Variants in DLG5 observed in about 807,000 individuals in gnomAD.
DLG5 encodes discs large MAGUK scaffold protein 5, also known as disks large homolog 5.
Under a neutral mutation model 189.8 loss-of-function variants are expected in DLG5, and 48 were observed. The observed-to-expected ratio is 0.25, with a 90% CI of 0.20 to 0.32. The LOEUF is 0.32. Ranked by LOEUF, DLG5 falls within the 10% of genes least tolerant of loss-of-function variation. DLG5 has a pLI of 1.00. For synonymous variants in DLG5, 1,016 were observed against 1,054.1 expected (o/e 0.96, Z 0.70); for missense variants, 2,160 against 2,544.7 (o/e 0.85, Z 3.25).
intron 5 of DLG5, among the ~76,000 whole-genome samples, chr10:77,848,856 T>A (rs1248680): frequency 6.6e-6 from 1 of 151,958 alleles, no homozygotes; most frequent in South Asian, 2.1e-4. Context: ...TGGATCTGAG[T>A]AGGTGGGTGG....
chr10:77,876,053 G>A (rs918918513), intron 1 of DLG5, among the ~76,000 whole-genome samples: 4 of 151,982 alleles, frequency 2.6e-5, no homozygotes, highest in African/African-American at 7.2e-5. Context: ...TATGCCACCC[G>A]AGGGTGGGAA....
At chr10:77,922,090 C>T (rs1846551121) in intron 1 of DLG5, among the ~76,000 whole-genome samples, 1 of 152,112 alleles carries the variant, frequency 6.6e-6, no homozygotes, top group Non-Finnish European at 1.5e-5. Context: ...CTCTCATGAG[C>T]GTCCCATTCC....
At chr10:77,838,504 G>A (rs1019363994) in intron 7 of DLG5, among the ~76,000 whole-genome samples, 1 of 152,172 alleles carries the variant, frequency 6.6e-6, no homozygotes, top group African/African-American at 2.4e-5. Context: ...AGCCAACCTG[G>A]CAAAGATCCT....
chr10:77,814,482 T>C (rs1390142427), intron 20 of DLG5, among the ~76,000 whole-genome samples: 1 of 106,686 alleles, frequency 9.4e-6, no homozygotes, highest in African/African-American at 7.0e-5. Flanking sequence ...TATATATATA[T>C]ATATATATAT....
chr10:77,912,923 T>G (rs1235641150), intron 1 of DLG5, among the ~76,000 whole-genome samples: 1 of 151,880 alleles, frequency 6.6e-6, no homozygotes, highest in African/African-American at 2.4e-5. Flanking sequence ...CTGTGAACTG[T>G]GGAGAACCCC....
At chr10:77,793,105 G>C (rs1387290645) in intron 31 of DLG5, 2 of 152,500 alleles carry the variant, frequency 1.3e-5, no homozygotes, top group African/African-American at 4.8e-5. Flanking sequence ...AAACTGCTAT[G>C]GAAACAGGAC....
chr10:77,858,946 C>T (rs1844363823), intron 2 of DLG5, among the ~76,000 whole-genome samples: 1 of 152,144 alleles, frequency 6.6e-6, no homozygotes, highest in Admixed American at 6.5e-5. Context: ...AGTCTCAGCT[C>T]ACTATAACCT....
intron 27 of DLG5, among the ~76,000 whole-genome samples, chr10:77,797,888 T>G (rs1841003853): frequency 6.6e-6 from 1 of 152,124 alleles, no homozygotes; most frequent in Non-Finnish European, 1.5e-5. Context: ...GTGTGTGTGT[T>G]TTTTAGAAGT....
chr10:77,909,752 C>T lies in DLG5; in HGVS notation c.304+16465G>A, dbSNP rs115198971. ...CTCTAAACCGCCATGGGTTTAGCTC[C>T]GTTTTTTTCAGGAGAAGGACTCAAA... On this transcript the variant is annotated intron_variant, in intron 1 of 31. Coordinates refer to ENST00000372391, the MANE Select transcript of DLG5 (RefSeq NM_004747.4). 7.5e-4 allele frequency among the ~76,000 whole-genome samples: 114 copies of T among 152,222 alleles called. 1 individual carries two copies. Among genetic ancestry groups the T allele is most frequent in the African/African-American group, 2.6e-3 (107 of 41,532 alleles).
intron 27 of DLG5, among the ~76,000 whole-genome samples, chr10:77,799,702 G>A (rs1841104184): frequency 6.6e-6 from 1 of 152,104 alleles, no homozygotes; most frequent in African/African-American, 2.4e-5. Flanking sequence ...CTGTACTCCT[G>A]GGCTTAGGTG....
upstream of DLG5, chr10:77,927,468 A>C (rs1489568108): frequency 6.6e-6 from 1 of 152,190 alleles, no homozygotes; most frequent in Non-Finnish European, 1.5e-5. Flanking sequence ...TCCCTCTCCA[A>C]GGAGCTCCTA....
intron 2 of DLG5, among the ~76,000 whole-genome samples, chr10:77,860,173 T>C (rs757358906): frequency 2.0e-5 from 3 of 152,234 alleles, no homozygotes; most frequent in Non-Finnish European, 4.4e-5. Context: ...GGTTAGGTAA[T>C]TGACTCAAGT....
At chr10:77,856,276 G>A (rs942791902) in intron 3 of DLG5, among the ~76,000 whole-genome samples, 6 of 152,096 alleles carry the variant, frequency 3.9e-5, no homozygotes, top group South Asian at 2.1e-4. Context: ...CACTTGAGCC[G>A]GGGAGGTCAA....
At chr10:77,911,103 A>T (rs1846207886) in intron 1 of DLG5, among the ~76,000 whole-genome samples, 1 of 151,376 alleles carries the variant, frequency 6.6e-6, no homozygotes, top group South Asian at 2.1e-4. Context: ...GCCACTATAT[A>T]TTTTTTTTAA....
chr10:77,918,442 C>T (rs947672600), intron 1 of DLG5, among the ~76,000 whole-genome samples: 1 of 151,832 alleles, frequency 6.6e-6, no homozygotes, highest in African/African-American at 2.4e-5. Flanking sequence ...TGGTAAATTT[C>T]ATGTTATGTA....
intron 27 of DLG5, among the ~76,000 whole-genome samples, chr10:77,804,418 C>G (rs1841369811): frequency 6.6e-6 from 1 of 152,242 alleles, no homozygotes; most frequent in African/African-American, 2.4e-5. Context: ...CTGATAGTGA[C>G]AGTGGGCCAT....
intron 1 of DLG5, among the ~76,000 whole-genome samples, chr10:77,911,770 C>T (rs1385038042): frequency 1.3e-5 from 2 of 152,138 alleles, no homozygotes; most frequent in African/African-American, 2.4e-5. Context: ...CTAATGGCAC[C>T]GCTTTCCACA....
At chr10:77,803,014 T>C (rs569872731) in intron 27 of DLG5, among the ~76,000 whole-genome samples, 1 of 152,324 alleles carries the variant, frequency 6.6e-6, no homozygotes, top group East Asian at 1.9e-4. Context: ...AAAGCAATGA[T>C]TTCTCTTAGC....
intron 31 of DLG5, chr10:77,792,873 G>T (rs1254801023): frequency 6.1e-6 from 2 of 327,150 alleles, no homozygotes; most frequent in African/African-American, 2.1e-5. Context: ...GATTCTGCAG[G>T]AAACGACAAG....
Sources: gnomAD v4.1 joint callset for allele counts (sites outside exome capture counted in the v4.1 genomes callset) on GRCh38, gnomAD v4.1.1 for gene constraint, MANE v1.5 for transcripts, NCBI Gene and HGNC (gene_info 2026-07-23, HGNC 2026-07-21) for gene names.